The following HDC variants were observed in gnomAD, a reference collection of about 807,000 sequenced individuals.
HDC encodes the protein histidine decarboxylase.
A neutral mutation model predicts 64.4 loss-of-function variants in HDC; 27 were observed. The observed-to-expected ratio is 0.42, with a 90% CI of 0.31 to 0.58. HDC has a LOEUF of 0.58. Among genes scored for constraint, HDC ranks in the 20% least tolerant of loss-of-function variants. The pLI, the probability that HDC is intolerant of heterozygous loss-of-function variation, is 0.16. For missense variants in HDC, 711 were observed against 833.9 expected, an observed-to-expected ratio of 0.85 and a Z score of 1.81; for synonymous variants, 305 against 314.2, an observed-to-expected ratio of 0.97 and a Z score of 0.31.
intron 4 of HDC, among the ~76,000 whole-genome samples, chr15:50,255,704 G>A (rs1396940644): frequency 6.6e-6 from 1 of 152,164 alleles, no homozygotes; most frequent in East Asian, 1.9e-4. Context: ...GGAGGCTGAG[G>A]TTGGAGGATT....
At chr15:50,257,669 G>A in intron 3 of HDC, 122 bp from the exon 4 acceptor site, 2 of 1,060,998 alleles carry the variant, frequency 1.9e-6, no homozygotes, top group Non-Finnish European at 2.9e-6. Flanking sequence ...AAGGGGTCAT[G>A]TTAGGCCACG....
In HDC at chr15:50,263,223, A is replaced by T; in HGVS notation, c.204+12T>A. ...GAAATCCAGAACTGCCCTTGTGGTC[A>T]CTGTGTCTCACCCCAGGCATGATGA... On this transcript the variant is annotated intron_variant, in intron 2 of 11. Transcript: ENST00000267845. 6.2e-7 allele frequency: 1 copy of T among 1,613,898 alleles called. No homozygotes were observed. The highest frequency in any genetic ancestry group is 8.5e-7 in the Non-Finnish European group (1 of 1,179,870).
intron 2 of HDC, among the ~76,000 whole-genome samples, chr15:50,260,115 A>G (rs2045683417): frequency 6.6e-6 from 1 of 150,982 alleles, no homozygotes; most frequent in South Asian, 2.1e-4. Flanking sequence ...CCTGGCTCCC[A>G]GGTTCAAGAG....
intron 1 of HDC, 42 bp downstream of exon 1, chr15:50,265,549 AGG>A (rs767003720): frequency 6.4e-7 from 1 of 1,573,780 alleles, no homozygotes; most frequent in Non-Finnish European, 8.7e-7. Flanking sequence ...CCGTTCCTGC[AGG>A]AGTAGCAGCA....
Position 50,243,432 on chromosome 15 carries a change from G to A in HDC, c.1141-188C>T, listed in dbSNP as rs150135918. Among the ~76,000 whole-genome samples the A allele has an allele frequency of 5.3e-4, 81 of 152,222 alleles. 1 individual carries two copies. Among genetic ancestry groups the A allele is most frequent in the Admixed American group, 1.2e-3 (19 of 15,302 alleles). On this transcript the variant is annotated intron_variant, in intron 10 of 11. Coordinates refer to ENST00000267845, the MANE Select transcript of HDC (RefSeq NM_002112.4). Reference sequence around the variant, plus strand: ...TCCAAGCTGGAAAATTTCCAATGGCGCCCTGTTTCCTGTCACATGGGATCC... The same window carrying A: ...TCCAAGCTGGAAAATTTCCAATGGCACCCTGTTTCCTGTCACATGGGATCC...
intron 2 of HDC, among the ~76,000 whole-genome samples, chr15:50,259,993 C>A (rs1254334595): frequency 1.3e-5 from 2 of 151,610 alleles, no homozygotes; most frequent in South Asian, 2.1e-4. Flanking sequence ...TCCAACATAC[C>A]ATTTGTGTGG....
At chr15:50,243,877 CAG>C (rs1295252385) in intron 10 of HDC, among the ~76,000 whole-genome samples, 1 of 152,194 alleles carries the variant, frequency 6.6e-6, no homozygotes, top group Admixed American at 6.5e-5. Flanking sequence ...TTAATGGATA[CAG>C]AGTTTCTGCT....
At chr15:50,255,993 G>A (rs1245633460) in intron 4 of HDC, among the ~76,000 whole-genome samples, 2 of 152,216 alleles carry the variant, frequency 1.3e-5, no homozygotes, top group African/African-American at 2.4e-5. Context: ...TGACGATACA[G>A]GAGAAAGCAT....
chr15:50,261,363 G>A (rs910164590), intron 2 of HDC, among the ~76,000 whole-genome samples: 3 of 152,126 alleles, frequency 2.0e-5, no homozygotes, highest in African/African-American at 7.2e-5. Flanking sequence ...ACATTTTACA[G>A]AATAAAATCC....
chr15:50,257,225 G>A (rs2045643986), intron 4 of HDC, among the ~76,000 whole-genome samples, 200 bp downstream of exon 4: 1 of 152,216 alleles, frequency 6.6e-6, no homozygotes. Context: ...TTCTTTCAAA[G>A]GAAGTAGCAG....
At chr15:50,244,856 A>G (rs2045456934) in intron 10 of HDC, 1 of 152,134 alleles carries the variant, frequency 6.6e-6, no homozygotes, top group Admixed American at 6.5e-5. Context: ...CACCTGGGCT[A>G]TGGTGGGAGC....
At position 50,248,014 on chromosome 15, in the gene HDC, G is replaced by A. The variant is rs550882416; in HGVS notation, c.1140+231C>T. ...AGTGCTCAGTGACAGCAAGGGGAAC[G>A]GTGAGACACTCAGCAGAGGACAGGC... On this transcript the variant is annotated intron_variant, in intron 10 of 11. Transcript: ENST00000267845. The surrounding 1 kb of genome is among the most constrained non-coding windows in gnomAD (Gnocchi z 4.3). 4.6e-5 allele frequency among the ~76,000 whole-genome samples: 7 copies of A among 152,300 alleles called. No homozygotes were observed. Among genetic ancestry groups the A allele is most frequent in the Non-Finnish European group, 7.3e-5 (5 of 68,028 alleles).
Position 50,242,702 on chromosome 15 carries a change from G to T in HDC, c.1547C>A (p.Pro516Gln). The change falls in exon 12 of 12, where the codon CCA becomes CAA. Residue 516 changes from proline to glutamine, a missense_variant. By Grantham distance (76) the Pro-to-Gln change is moderately conservative. Transcript: ENST00000267845. ...CTTGATGATCTTCCTGGCCTGGACTGGATCATCTCCTGCCCCACTGACAGA... is the reference window on the plus strand; with the variant it reads ...CTTGATGATCTTCCTGGCCTGGACTTGATCATCTCCTGCCCCACTGACAGA... ...LQSVSGAGDDPVQARKIIKQP... is the reference protein window; with the variant it reads ...LQSVSGAGDDQVQARKIIKQP... 6.2e-7 allele frequency: 1 copy of T among 1,614,108 alleles called. No homozygotes were observed. The highest frequency in any genetic ancestry group is 8.5e-7 in the Non-Finnish European group (1 of 1,180,022).
chr15:50,257,343 C>T (rs902298779), intron 4 of HDC, 82 bp downstream of exon 4: 18 of 1,566,552 alleles, frequency 1.1e-5, no homozygotes, highest in African/African-American at 4.1e-5. Flanking sequence ...CCATGGAGAA[C>T]GGGAGAATTG....
In HDC at chr15:50,242,710, T is replaced by C; in HGVS notation, c.1539A>G (p.Gly513=). The C allele has an allele frequency of 6.2e-7, 1 of 1,614,066 alleles. No homozygotes were observed. Among genetic ancestry groups the C allele is most frequent in the African/African-American group, 1.3e-5 (1 of 75,020 alleles). The change falls in exon 12 of 12, where the codon GGA becomes GGG. Residue 513 remains glycine, a synonymous_variant. Coordinates refer to ENST00000267845, the MANE Select transcript of HDC (RefSeq NM_002112.4). ...GTSLQSVSGA[G]DDPVQARKII... is the part of the protein sequence containing the mutation. ...TCTTCCTGGCCTGGACTGGATCATC[T>C]CCTGCCCCACTGACAGACTGAAGGG... is the stretch of plus-strand genomic sequence containing the variant.
intron 2 of HDC, among the ~76,000 whole-genome samples, chr15:50,260,777 G>A (rs753344798): frequency 3.3e-5 from 5 of 152,156 alleles, no homozygotes; most frequent in East Asian, 1.9e-4. Context: ...ACAGGTGACC[G>A]CAATGAGGCA....
At chr15:50,253,530 A>G (rs1267305442) in intron 7 of HDC, 70 bp downstream of exon 7, 2 of 1,343,752 alleles carry the variant, frequency 1.5e-6, no homozygotes, top group African/African-American at 2.9e-5. Context: ...AGCTGGTTTC[A>G]GGTCCTTGCT....
rs2045569904 is a variant in HDC at position 50,252,496 on chromosome 15, C to T, written c.975G>A (p.Gln325=). Residue 325 remains glutamine (Q), a synonymous_variant, in exon 9 of 12, where the codon CAG becomes CAA. Transcript: ENST00000267845. ...AGATGGGATTCACACTGAAGGTCTG[C>T]TGCAGCTTGTACTTGTCCTTGACCC... is the stretch of plus-strand genomic sequence containing the variant. ...GFWVKDKYKL[Q]QTFSVNPIYL... is the part of the protein sequence containing the mutation. 1 of 1,614,078 alleles carries T rather than the reference C, an allele frequency of 6.2e-7. No individual in the cohort carries two copies. Among genetic ancestry groups the T allele is most frequent in the Admixed American group, 1.7e-5 (1 of 60,014 alleles).
intron 9 of HDC, among the ~76,000 whole-genome samples, chr15:50,250,611 A>C (rs2140930877): frequency 6.6e-6 from 1 of 152,186 alleles, no homozygotes; most frequent in East Asian, 1.9e-4. Flanking sequence ...GCAAGGGTGA[A>C]TATAATGCTC....
Sources: allele counts gnomAD v4.1 joint callset (sites outside exome capture counted in the v4.1 genomes callset), GRCh38; gene constraint gnomAD v4.1.1; non-coding constraint Gnocchi (gnomAD v3.1); transcripts MANE v1.5; gene names NCBI Gene and HGNC (gene_info 2026-07-23, HGNC 2026-07-21).